ROBO2: variants seen among roughly 807,000 people sequenced by gnomAD.
ROBO2 encodes roundabout guidance receptor 2.
Under a neutral mutation model 160.8 loss-of-function variants are expected in ROBO2, and 53 were observed. That is an observed-to-expected ratio of 0.33 (90% CI 0.26 to 0.41). The LOEUF is 0.41. Ranked by LOEUF, ROBO2 falls within the 10% of genes least tolerant of loss-of-function variation. The pLI, the probability that ROBO2 is intolerant of heterozygous loss-of-function variation, is 1.00. For synonymous variants in ROBO2, 664 were observed against 611.7 expected (o/e 1.09, Z -1.26); for missense variants, 1,577 against 1,722.4 (o/e 0.92, Z 1.49).
intron 2 of ROBO2, among the ~76,000 whole-genome samples, chr3:77,461,334 T>G (rs1435526992): frequency 6.6e-6 from 1 of 152,040 alleles, no homozygotes; most frequent in East Asian, 1.9e-4. Context: ...ACTAACATTT[T>G]AATGAGCCAA....
chr3:76,635,299 T>C (rs2090268999), intron 2 of ROBO2, among the ~76,000 whole-genome samples: 1 of 152,208 alleles, frequency 6.6e-6, no homozygotes, highest in Non-Finnish European at 1.5e-5. Context: ...CGTATGTACA[T>C]ACACATAGAT....
intron 2 of ROBO2, among the ~76,000 whole-genome samples, chr3:77,414,342 G>A (rs2077040203): frequency 6.6e-6 from 1 of 152,230 alleles, no homozygotes; most frequent in African/African-American, 2.4e-5. Context: ...AGGTTCAACA[G>A]AGAATGAGAG....
intron 2 of ROBO2, among the ~76,000 whole-genome samples, chr3:76,574,845 C>T (rs934959200): frequency 2.0e-5 from 3 of 152,026 alleles, no homozygotes; most frequent in Admixed American, 6.6e-5. Context: ...TCCCAGGTGC[C>T]GCCAGTGCTG....
intron 2 of ROBO2, among the ~76,000 whole-genome samples, chr3:77,365,080 G>T (rs2070642557): frequency 6.6e-6 from 1 of 151,394 alleles, no homozygotes; most frequent in South Asian, 2.1e-4. Flanking sequence ...AGGAGGAGGA[G>T]GTTGCAGTGA....
chr3:77,342,773 T>G (rs1217478379), intron 2 of ROBO2, among the ~76,000 whole-genome samples: 1 of 152,190 alleles, frequency 6.6e-6, no homozygotes, highest in Non-Finnish European at 1.5e-5. Flanking sequence ...AGTACCTTTA[T>G]GTTGGAGACC....
chr3:76,770,656 G>T (rs546046766), intron 2 of ROBO2, among the ~76,000 whole-genome samples: 1 of 151,244 alleles, frequency 6.6e-6, no homozygotes, highest in South Asian at 2.1e-4. Flanking sequence ...GAGAAACAAA[G>T]AATGTAAAGG....
chr3:76,622,245 A>AGAAAGAAAGAAAGAAAGAAAGAAGGAAG (rs1560252249), intron 2 of ROBO2, among the ~76,000 whole-genome samples: 13 of 44,162 alleles, frequency 2.9e-4, no homozygotes, highest in Non-Finnish European at 4.4e-4. Flanking sequence ...GAAGAAAGAA[A>AGAAAGAAAGAAAGAAAGAAAGAAGGAAG]GAAAGAAAGA....
intron 2 of ROBO2, among the ~76,000 whole-genome samples, chr3:76,176,828 T>C (rs2073249865): frequency 6.6e-6 from 1 of 152,254 alleles, no homozygotes; most frequent in East Asian, 1.9e-4. Context: ...TTTATAACCA[T>C]CCAATAATAT....
At chr3:77,030,891 A>G (rs1465408156) in intron 2 of ROBO2, among the ~76,000 whole-genome samples, 2 of 152,134 alleles carry the variant, frequency 1.3e-5, no homozygotes, top group African/African-American at 2.4e-5. Context: ...CATTTGAAGG[A>G]CCCTATTCAA....
chr3:77,104,560 T>C (rs1041754846), intron 2 of ROBO2, among the ~76,000 whole-genome samples: 3 of 152,218 alleles, frequency 2.0e-5, no homozygotes, highest in Non-Finnish European at 4.4e-5. Flanking sequence ...TGTGCACATA[T>C]GGTTTCATTT....
intron 9 of ROBO2, 128 bp downstream of exon 10, chr3:77,558,277 TTATTACTTA>T: frequency 1.3e-6 from 1 of 746,344 alleles, no homozygotes; most frequent in Non-Finnish European, 2.3e-6. Flanking sequence ...ACAGTTAATG[TTATTACTTA>T]TTTTAAAAAT....
intron 2 of ROBO2, among the ~76,000 whole-genome samples, chr3:75,977,960 G>T (rs2107420627): frequency 6.6e-6 from 1 of 151,516 alleles, no homozygotes; most frequent in East Asian, 2.0e-4. Context: ...CAACTCAATG[G>T]AAAGATGTTA....
At chr3:76,707,374 G>T (rs1467901953) in intron 2 of ROBO2, among the ~76,000 whole-genome samples, 2 of 152,080 alleles carry the variant, frequency 1.3e-5, no homozygotes, top group Non-Finnish European at 2.9e-5. Flanking sequence ...AATGACAGGT[G>T]ATGCTTTACA....
At chr3:76,476,567 G>A (rs2107214353) in intron 2 of ROBO2, among the ~76,000 whole-genome samples, 1 of 152,204 alleles carries the variant, frequency 6.6e-6, no homozygotes, top group South Asian at 2.1e-4. Flanking sequence ...AATATCTTAT[G>A]GATAAAATTT....
intron 2 of ROBO2, among the ~76,000 whole-genome samples, chr3:76,716,382 T>C (rs1197298091): frequency 6.6e-6 from 1 of 152,202 alleles, no homozygotes; most frequent in African/African-American, 2.4e-5. Flanking sequence ...CTCACCCATC[T>C]TTTCCTTATC....
chr3:76,756,903 T>C (rs893452143), intron 2 of ROBO2, among the ~76,000 whole-genome samples: 4 of 151,746 alleles, frequency 2.6e-5, no homozygotes, highest in Admixed American at 6.6e-5. Context: ...ACCAAACACA[T>C]TGAAATGTGG....
intron 2 of ROBO2, among the ~76,000 whole-genome samples, chr3:76,273,114 CATATAAATATATATAT>C (rs1358988985): frequency 3.7e-5 from 4 of 106,686 alleles, no homozygotes; most frequent in African/African-American, 1.7e-4. Context: ...TACACACACA[CATATAAATATATATAT>C]ATATATATAT....
At chr3:76,798,329 A>T (rs1258921437) in intron 2 of ROBO2, among the ~76,000 whole-genome samples, 1 of 152,092 alleles carries the variant, frequency 6.6e-6, no homozygotes, top group Non-Finnish European at 1.5e-5. Flanking sequence ...GAACGAATGA[A>T]CTAAAGGCCA....
At chr3:76,508,964 A>G (rs896999369) in intron 2 of ROBO2, among the ~76,000 whole-genome samples, 1 of 152,160 alleles carries the variant, frequency 6.6e-6, no homozygotes, top group Non-Finnish European at 1.5e-5. Context: ...ATATTATACA[A>G]TGCATATGTA....
Sources: gnomAD v4.1 joint callset for allele counts (sites outside exome capture counted in the v4.1 genomes callset) on GRCh38, gnomAD v4.1.1 for gene constraint, MANE v1.5 for transcripts, NCBI Gene and HGNC (gene_info 2026-07-23, HGNC 2026-07-21) for gene names.